The following FBXW4 variants were observed in gnomAD, a reference collection of about 807,000 sequenced individuals.
The protein encoded by FBXW4 is F-box/WD repeat-containing protein 4.
FBXW4 carries 40 observed loss-of-function variants against 61.8 expected under a neutral mutation model. The ratio of observed to expected loss-of-function variants is 0.65; its 90% CI spans 0.50 to 0.84. The LOEUF (loss-of-function observed/expected upper bound fraction) is 0.84. Among genes scored for constraint, FBXW4 ranks in the 40% least tolerant of loss-of-function variants. FBXW4 has a pLI of 0.00. For synonymous variants in FBXW4, 311 were observed against 313.8 expected (o/e 0.99, Z 0.10); for missense variants, 672 against 753.8 (o/e 0.89, Z 1.27).
rs760564679 is a variant in FBXW4, at chr10:101,673,484, T to A, written c.1007+4A>T. On this transcript the variant is annotated splice_donor_region_variant and intron_variant, in intron 3 of 8. Transcript: ENST00000331272. The stretch of plus-strand genomic sequence containing the variant: ...GGGTGGAAGGAGAAACCTATAGCAC[T>A]TACCCTCCTGCACTAACAATATGCG... 11 of 1,613,806 alleles carry A rather than the reference T, an allele frequency of 6.8e-6. No individual in the cohort carries two copies. Among genetic ancestry groups the A allele is most frequent in the South Asian group, 1.1e-5 (1 of 91,074 alleles).
chr10:101,611,068 G>A lies in FBXW4; in HGVS notation c.*223C>T. ...CCGGGTTCAGCCGCACTCTAAAGCA[G>A]CAGGTCCTGCCTCTCCAACAGGTTC... On this transcript the variant is annotated 3_prime_UTR_variant, in exon 9 of 9. Coordinates refer to ENST00000331272, the MANE Select transcript of FBXW4 (RefSeq NM_022039.4). The surrounding 1 kb of genome is among the most constrained non-coding windows in gnomAD (Gnocchi z 4.9). 2.0e-6 allele frequency: 1 copy of A among 511,988 alleles called. No individual in the cohort carries two copies. The highest frequency in any genetic ancestry group is 3.4e-6 in the Non-Finnish European group (1 of 292,628). The allele number at this position is 511,988 out of a possible 1,614,324, so 31.7% of individuals were successfully genotyped here.
chr10:101,648,492 T>G (rs2064119500), intron 5 of FBXW4, among the ~76,000 whole-genome samples: 1 of 152,148 alleles, frequency 6.6e-6, no homozygotes, highest in African/African-American at 2.4e-5. Flanking sequence ...GATTATACTT[T>G]GAACATGAGC....
At chr10:101,644,334 T>C (rs1377786702) in intron 5 of FBXW4, among the ~76,000 whole-genome samples, 3 of 152,122 alleles carry the variant, frequency 2.0e-5, no homozygotes, top group South Asian at 4.1e-4. Context: ...GGAAAGAAGG[T>C]GCTGCCATCT....
At chr10:101,666,030 C>G (rs1165659636) in intron 5 of FBXW4, among the ~76,000 whole-genome samples, 1 of 152,182 alleles carries the variant, frequency 6.6e-6, no homozygotes, top group Admixed American at 6.5e-5. Flanking sequence ...TCTCACTGGC[C>G]ATAGCACTTT....
chr10:101,652,854 TC>T (rs1421423086), intron 5 of FBXW4, among the ~76,000 whole-genome samples: 1 of 152,210 alleles, frequency 6.6e-6, no homozygotes, highest in Non-Finnish European at 1.5e-5. Context: ...TTCTCCAGGC[TC>T]CTAGTTTTCC....
chr10:101,661,102 G>A (rs1409770374), intron 5 of FBXW4, among the ~76,000 whole-genome samples: 1 of 152,204 alleles, frequency 6.6e-6, no homozygotes, highest in African/African-American at 2.4e-5. Flanking sequence ...TGTTAGCAGG[G>A]GGCCAAGTCT....
rs761705961 is a variant in FBXW4, at chr10:101,672,910, C to T, written c.1140+5G>A. On this transcript the variant is annotated splice_donor_5th_base_variant and intron_variant, in intron 4 of 8. Coordinates refer to ENST00000331272, the MANE Select transcript of FBXW4 (RefSeq NM_022039.4). ...TAATAGTATGTAAGGGGGAGACCAC[C>T]TCACCTTGGCCGTCCTGTCCCTGGA... 11 of 1,613,870 alleles carry T rather than the reference C, an allele frequency of 6.8e-6. No homozygotes were observed. The African/African-American group carries it at 1.1e-4, about 16-fold the overall frequency.
chr10:101,654,528 TTC>T (rs1226557563), intron 5 of FBXW4, among the ~76,000 whole-genome samples: 5 of 152,198 alleles, frequency 3.3e-5, no homozygotes, highest in African/African-American at 1.2e-4. Context: ...TAAATGTAAT[TTC>T]TTTTTTCTAA....
chr10:101,694,531 A>T lies in FBXW4; in HGVS notation c.575T>A (p.Leu192Gln), dbSNP rs1331164825. Residue 192 changes from leucine to glutamine, a missense_variant, in exon 1 of 9, where the codon CTG becomes CAG. This residue lies in a region of FBXW4 where 311 missense variants were observed against 301.1 expected (regional missense o/e 1.03). Coordinates refer to ENST00000331272, the MANE Select transcript of FBXW4 (RefSeq NM_022039.4). This position sits in a 1 kb window ranked among gnomAD's most constrained non-coding sequence, Gnocchi z 6.0. ...ALWRLPEELL[L>Q]LICSYLDMRA... ...CATGTCCAGGTAGGAGCAGATGAGC[A>T]GCAGCAGCTCCTCCGGCAGGCGCCA... 6.7e-7 allele frequency: 1 copy of T among 1,500,378 alleles called. No individual in the cohort carries two copies. The highest frequency in any genetic ancestry group is 1.5e-5 in the African/African-American group (1 of 68,898). The allele number at this position is 1,500,378 out of a possible 1,614,324, so 92.9% of individuals were successfully genotyped here.
chr10:101,661,302 C>T (rs2064241809), intron 5 of FBXW4, among the ~76,000 whole-genome samples: 1 of 152,190 alleles, frequency 6.6e-6, no homozygotes, highest in South Asian at 2.1e-4. Flanking sequence ...AGCAGCTCAG[C>T]ACATGAGCCT....
intron 7 of FBXW4, among the ~76,000 whole-genome samples, chr10:101,612,109 A>C (rs2063791651): frequency 6.6e-6 from 1 of 152,254 alleles, no homozygotes; most frequent in African/African-American, 2.4e-5. Context: ...TGACGGCTCC[A>C]GAGGCTCTGG....
At chr10:101,613,276 A>AG (rs2063802544) in intron 6 of FBXW4, 1 of 152,258 alleles carries the variant, frequency 6.6e-6, no homozygotes, top group African/African-American at 2.4e-5. Flanking sequence ...GCAACTATGT[A>AG]GGGGGGCCTC....
chr10:101,621,731 CAG>C (rs2063868260), intron 6 of FBXW4, among the ~76,000 whole-genome samples: 1 of 152,150 alleles, frequency 6.6e-6, no homozygotes. Flanking sequence ...AACTGAAGCT[CAG>C]AGGGCCCCAG....
chr10:101,679,578 A>G (rs902095900), intron 1 of FBXW4, among the ~76,000 whole-genome samples: 5 of 152,232 alleles, frequency 3.3e-5, no homozygotes, highest in Admixed American at 3.3e-4. Context: ...ACTTCATGAG[A>G]AGGAAAGGAG....
chr10:101,664,629 G>A (rs932999528), intron 5 of FBXW4, among the ~76,000 whole-genome samples: 1 of 152,220 alleles, frequency 6.6e-6, no homozygotes, highest in African/African-American at 2.4e-5. Context: ...GACTGCAAAA[G>A]AGCAGGGAAA....
intron 1 of FBXW4, among the ~76,000 whole-genome samples, chr10:101,685,067 C>T (rs181593643): frequency 1.0e-3 from 152 of 152,304 alleles, no homozygotes; most frequent in African/African-American, 3.4e-3. Context: ...ATCTCTTCCA[C>T]GTTCATTCAT....
intron 5 of FBXW4, among the ~76,000 whole-genome samples, chr10:101,641,226 A>G (rs1257632082): frequency 2.6e-5 from 4 of 152,240 alleles, no homozygotes; most frequent in African/African-American, 9.6e-5. Flanking sequence ...AATTAAAAGC[A>G]TGCACAATTG....
chr10:101,695,193 G>T, upstream of FBXW4: 1 of 985,366 alleles, frequency 1.0e-6, no homozygotes. The surrounding 1 kb of genome is among the most constrained non-coding windows in gnomAD (Gnocchi z 4.2). Flanking sequence ...TGTCGGACCG[G>T]GTCACATGGG....
intron 5 of FBXW4, among the ~76,000 whole-genome samples, chr10:101,654,079 C>G (rs1260969473): frequency 1.4e-5 from 2 of 141,550 alleles, no homozygotes; most frequent in African/African-American, 2.6e-5. Context: ...CGAGATTGCA[C>G]CACTGCACTC....
Sources: allele counts gnomAD v4.1 joint callset (sites outside exome capture counted in the v4.1 genomes callset), GRCh38; gene constraint gnomAD v4.1.1; regional missense constraint gnomAD v4.1.1; non-coding constraint Gnocchi (gnomAD v3.1); transcripts MANE v1.5; gene names NCBI Gene and HGNC (gene_info 2026-07-23, HGNC 2026-07-21).